ZFP64: variants seen among roughly 807,000 people sequenced by gnomAD.
ZFP64 encodes zinc finger protein 64.
A neutral mutation model predicts 51.6 loss-of-function variants in ZFP64; 14 were observed. The observed-to-expected ratio is 0.27, with a 90% CI of 0.18 to 0.42. The LOEUF (loss-of-function observed/expected upper bound fraction) is 0.42, where lower values mean the gene tolerates loss of function less well. Among genes scored for constraint, ZFP64 ranks in the 10% least tolerant of loss-of-function variants. The pLI, the probability that ZFP64 is intolerant of heterozygous loss-of-function variation, is 1.00. For missense variants in ZFP64, 754 were observed against 906.8 expected (o/e 0.83, Z 2.16); for synonymous variants, 375 against 361.4 (o/e 1.04, Z -0.43).
chr20:52,162,940 C>A (rs189324207), intron 4 of ZFP64, among the ~76,000 whole-genome samples: 2 of 151,790 alleles, frequency 1.3e-5, no homozygotes, highest in Non-Finnish European at 2.9e-5. Flanking sequence ...AGACAGAGAC[C>A]GCAGAAACTA....
intron 5 of ZFP64, among the ~76,000 whole-genome samples, chr20:52,137,898 C>T (rs755621533): frequency 6.6e-6 from 1 of 151,948 alleles, no homozygotes; most frequent in Non-Finnish European, 1.5e-5. Context: ...AAAGCAGGCC[C>T]GGTGCACTGG....
At chr20:52,113,592 C>CTTTTT (rs61331317) in intron 5 of ZFP64, among the ~76,000 whole-genome samples, 9 of 126,934 alleles carry the variant, frequency 7.1e-5, no homozygotes, top group Admixed American at 1.7e-4. Flanking sequence ...CCATACCTGG[C>CTTTTT]TTTTTTTTTT....
In ZFP64 at chr20:52,152,676, G is replaced by T. The variant is rs1195232551; in HGVS notation, c.1516C>A (p.Pro506Thr). ...GCCTGGACGATGGTGTTCGCCTGGG[G>T]CACCTGATGCCCAACGATGATTTTG... ...RVKIIVGHQVPQANTIVQAAA... is the reference protein window; with the variant it reads ...RVKIIVGHQVTQANTIVQAAA... Residue 506 changes from proline (P) to threonine (T), a missense_variant, in exon 6 of 6, where the codon CCC becomes ACC. This residue lies in a region of ZFP64 where 428 missense variants were observed against 472.4 expected (regional missense o/e 0.91). Transcript: ENST00000216923. 5 of 1,542,846 alleles carry T rather than the reference G, an allele frequency of 3.2e-6. No homozygotes were observed. Among genetic ancestry groups the T allele is most frequent in the Middle Eastern group, 1.8e-4 (1 of 5,702 alleles).
At chr20:52,184,781 C>G (rs1983844295) in intron 2 of ZFP64, among the ~76,000 whole-genome samples, 1 of 152,038 alleles carries the variant, frequency 6.6e-6, no homozygotes, top group South Asian at 2.1e-4. Flanking sequence ...TGTGTGCTAT[C>G]ACGCCTGGCT....
intron 5 of ZFP64, among the ~76,000 whole-genome samples, chr20:52,132,008 G>T (rs1979746322): frequency 6.6e-6 from 1 of 152,024 alleles, no homozygotes; most frequent in Admixed American, 6.6e-5. Context: ...AAAAACTGAT[G>T]TAATATCAAT....
chr20:52,094,431 A>C (rs1815338992), intron 7 of ZFP64, among the ~76,000 whole-genome samples: 1 of 152,230 alleles, frequency 6.6e-6, no homozygotes, highest in South Asian at 2.1e-4. Context: ...CTCCTTTACG[A>C]AGCTAAATAA....
At chr20:52,140,699 G>A (rs1980210911) in intron 5 of ZFP64, among the ~76,000 whole-genome samples, 1 of 152,194 alleles carries the variant, frequency 6.6e-6, no homozygotes, top group African/African-American at 2.4e-5. Flanking sequence ...TGTAGAAGCT[G>A]CAGCAAGTTA....
intron 2 of ZFP64, among the ~76,000 whole-genome samples, chr20:52,173,867 C>T (rs1982958234): frequency 6.6e-6 from 1 of 152,032 alleles, no homozygotes; most frequent in Non-Finnish European, 1.5e-5. Flanking sequence ...TCAGGCTCAT[C>T]TTGAACTCCC....
chr20:52,145,687 AG>A (rs1980490364), intron 5 of ZFP64, among the ~76,000 whole-genome samples: 1 of 152,162 alleles, frequency 6.6e-6, no homozygotes, highest in Admixed American at 6.6e-5. Context: ...ATGGTATAAA[AG>A]ATAAAAATAT....
At chr20:52,150,750 A>G (rs1448884855), downstream of ZFP64, among the ~76,000 whole-genome samples, 1 of 152,204 alleles carries the variant, frequency 6.6e-6, no homozygotes, top group Admixed American at 6.5e-5. Flanking sequence ...CTCCTCACCA[A>G]TCCTTGCTGA....
downstream of ZFP64, among the ~76,000 whole-genome samples, chr20:52,148,673 G>A (rs1359978803): frequency 6.6e-6 from 1 of 151,286 alleles, no homozygotes; most frequent in Non-Finnish European, 1.5e-5. Context: ...GGCACTCCAG[G>A]CTGGGCGACA....
At chr20:52,091,029 C>G (rs1214904945) in intron 7 of ZFP64, among the ~76,000 whole-genome samples, 1 of 151,614 alleles carries the variant, frequency 6.6e-6, no homozygotes, top group African/African-American at 2.4e-5. Context: ...CACATGAGCC[C>G]AGAAGGTGAG....
chr20:52,119,790 G>A (rs1296990846), intron 5 of ZFP64, among the ~76,000 whole-genome samples: 4 of 151,932 alleles, frequency 2.6e-5, no homozygotes, highest in Non-Finnish European at 1.5e-5. Flanking sequence ...ACAAAGACCA[G>A]GAGGCAAAGA....
Position 52,151,355 on chromosome 20 carries a change from C to G in ZFP64, c.*791G>C. 1.0e-6 allele frequency: 1 copy of G among 984,896 alleles called. No individual in the cohort carries two copies. The highest frequency in any genetic ancestry group is 1.2e-6 in the Non-Finnish European group (1 of 829,790). 61.0% of individuals were successfully genotyped at this position (984,896 alleles called of 1,614,324 possible). A position where few individuals can be genotyped will look rare whatever the true frequency, so the allele number is the denominator to read the frequency against. On this transcript the variant is annotated 3_prime_UTR_variant, in exon 6 of 6. Transcript: ENST00000216923. Reference sequence around the variant, plus strand: ...TAGCACTAAACATTTTTTTTTGGGTCAAGTATCCATGTCATATTATGTAGA... The same window carrying G: ...TAGCACTAAACATTTTTTTTTGGGTGAAGTATCCATGTCATATTATGTAGA...
At chr20:52,088,986 T>C (rs1258508523) in intron 7 of ZFP64, 1 of 532,422 alleles carries the variant, frequency 1.9e-6, no homozygotes, top group East Asian at 5.2e-5. Context: ...ACATGGAGAA[T>C]GGTCAGGTGG....
chr20:52,102,107 C>CCAAAAAAAAAAAAAAAAA (rs551838560), intron 5 of ZFP64, among the ~76,000 whole-genome samples: 32 of 63,420 alleles, frequency 5.0e-4, no homozygotes, highest in African/African-American at 2.1e-3. Flanking sequence ...ACTCCATCTC[C>CCAAAAAAAAAAAAAAAAA]AAAAAAAAAA....
At chr20:52,188,364 G>C (rs1177156541) in intron 1 of ZFP64, among the ~76,000 whole-genome samples, 14 of 140,038 alleles carry the variant, frequency 1.0e-4, no homozygotes, top group Non-Finnish European at 2.0e-4. Context: ...ACCCAGGTTG[G>C]AGTGCAGTGG....
In ZFP64 at chr20:52,152,083, G is replaced by T; in HGVS notation, c.*63C>A. The T allele has an allele frequency of 2.6e-6, 4 of 1,550,470 alleles. No homozygotes were observed. The highest frequency in any genetic ancestry group is 1.2e-5 in the South Asian group (1 of 80,176). ...AAACATTAAGAGCAAACCTTTTAGA[G>T]AATTCTACTTAAGATTTCTTTTTCT... On this transcript the variant is annotated 3_prime_UTR_variant, in exon 6 of 6. Coordinates refer to ENST00000216923, the MANE Select transcript of ZFP64 (RefSeq NM_018197.3).
intron 7 of ZFP64, among the ~76,000 whole-genome samples, chr20:52,095,621 T>G (rs1321623829): frequency 6.6e-6 from 1 of 152,212 alleles, no homozygotes; most frequent in Non-Finnish European, 1.5e-5. Context: ...AGAAGTGGCC[T>G]AAGTTTGCTT....
Sources: gnomAD v4.1 joint callset for allele counts (sites outside exome capture counted in the v4.1 genomes callset) on GRCh38, gnomAD v4.1.1 for gene constraint, gnomAD v4.1.1 regional missense constraint, MANE v1.5 for transcripts, NCBI Gene and HGNC (gene_info 2026-07-23, HGNC 2026-07-21) for gene names.